SPACA6: variants seen among roughly 807,000 people sequenced by gnomAD.
The protein encoded by SPACA6 is sperm acrosome membrane-associated protein 6.
For missense variants in SPACA6, 8 were observed against 2.8 expected, an observed-to-expected ratio of 2.88 and a Z score of -1.34; for synonymous variants, 6 against 1.5, an observed-to-expected ratio of 4.05 and a Z score of -2.21.
chr19:51,683,311 T>C, the SPACA6 span, among the ~76,000 whole-genome samples: 1 of 152,208 alleles, frequency 6.6e-6, no homozygotes, highest in East Asian at 1.9e-4. Flanking sequence ...AGTCATTGGA[T>C]TTAGGGCCCA....
chr19:51,700,497 G>T (rs1047297320), intron 2 of SPACA6, among the ~76,000 whole-genome samples: 1 of 152,130 alleles, frequency 6.6e-6, no homozygotes, highest in Non-Finnish European at 1.5e-5. Context: ...AATTTTATAT[G>T]TTGGCAACTG....
intron 2 of SPACA6, among the ~76,000 whole-genome samples, chr19:51,697,851 T>G (rs1048883397): frequency 3.3e-5 from 5 of 152,036 alleles, no homozygotes; most frequent in South Asian, 4.1e-4. Flanking sequence ...ACCACCAGGG[T>G]CAAATGTAGC....
chr19:51,710,338 CAAA>C (rs556582389), downstream of SPACA6, among the ~76,000 whole-genome samples: 174 of 152,238 alleles, frequency 1.1e-3, no homozygotes, highest in African/African-American at 4.1e-3. Context: ...ACTGATGAAT[CAAA>C]GAATGCATGA....
intron 2 of SPACA6, among the ~76,000 whole-genome samples, chr19:51,699,291 G>A (rs369030111): frequency 6.6e-5 from 10 of 152,050 alleles, no homozygotes; most frequent in Non-Finnish European, 1.3e-4. Context: ...TTCCAGGTGC[G>A]GTACCACCTC....
chr19:51,694,628 C>T, intron 2 of SPACA6, 73 bp downstream of exon 2: 1 of 399,250 alleles, frequency 2.5e-6, no homozygotes. Flanking sequence ...TGGGAGGGCC[C>T]AGGGCAGAGG....
chr19:51,693,372 T>A lies in SPACA6; in HGVS notation c.-155T>A, dbSNP rs1373724310. 2 of 713,604 alleles carry A rather than the reference T, an allele frequency of 2.8e-6. No homozygotes were observed. The highest frequency in any genetic ancestry group is 1.7e-5 in the African/African-American group (1 of 58,110). 44.2% of individuals were successfully genotyped at this position (713,604 alleles called of 1,614,324 possible). On this transcript the variant is annotated 5_prime_UTR_variant, in exon 1 of 9. Coordinates refer to ENST00000637797, the MANE Select transcript of SPACA6 (RefSeq NM_001316972.2). The stretch of plus-strand genomic sequence containing the variant: ...ACACCTGGGGAATTGCTGGCCTGAC[T>A]TCTGACCCCTGACTCCTCATACCCT...
intron 2 of SPACA6, among the ~76,000 whole-genome samples, chr19:51,697,199 A>G (rs762773233): frequency 3.9e-5 from 6 of 152,120 alleles, no homozygotes; most frequent in African/African-American, 1.4e-4. Context: ...TGCTCTTGAA[A>G]TGGGGGAGCT....
At chr19:51,696,944 A>T (rs1315644325) in intron 2 of SPACA6, among the ~76,000 whole-genome samples, 1 of 152,186 alleles carries the variant, frequency 6.6e-6, no homozygotes, top group Non-Finnish European at 1.5e-5. Flanking sequence ...TCAGAGAGAT[A>T]GCAAGGGGCC....
upstream of SPACA6, among the ~76,000 whole-genome samples, chr19:51,689,961 A>T (rs919516097): frequency 1.1e-5 from 1 of 92,940 alleles, no homozygotes; most frequent in African/African-American, 4.2e-5. Context: ...GGGGAGGGGG[A>T]GGCGCAGGGA....
chr19:51,685,273 A>AT (rs2083323563), upstream of SPACA6: 1 of 152,132 alleles, frequency 6.6e-6, no homozygotes, highest in Non-Finnish European at 1.5e-5. Context: ...AAGAAGTATG[A>AT]GAATTACAAT....
At chr19:51,692,877 C>T (rs777412163), upstream of SPACA6, 2 of 533,952 alleles carry the variant, frequency 3.7e-6, no homozygotes, top group Non-Finnish European at 7.7e-6. This position sits in a 1 kb window ranked among gnomAD's most constrained non-coding sequence, Gnocchi z 5.6. Context: ...GCGCCCTGCA[C>T]GGGACGGGGC....
At chr19:51,701,764 C>T (rs560385630) in intron 3 of SPACA6, 38 bp downstream of exon 3, 45 of 397,804 alleles carry the variant, frequency 1.1e-4, no homozygotes, top group African/African-American at 8.4e-4. Context: ...CAGACACACA[C>T]ACACACAATT....
chr19:51,712,146 G>A (rs1270746952), exon 3 of SPACA6: 1 of 152,164 alleles, frequency 6.6e-6, no homozygotes, highest in Non-Finnish European at 1.5e-5. Flanking sequence ...TGAGTAGCTG[G>A]GATTACAGGC....
At chr19:51,690,941 C>T (rs1249440825), upstream of SPACA6, among the ~76,000 whole-genome samples, 1 of 152,154 alleles carries the variant, frequency 6.6e-6, no homozygotes, top group South Asian at 2.1e-4. Flanking sequence ...TCCTCCCTTC[C>T]CCTTCCTCCC....
upstream of SPACA6, chr19:51,687,040 T>A (rs1442163441): frequency 6.6e-6 from 1 of 152,116 alleles, no homozygotes; most frequent in African/African-American, 2.4e-5. Flanking sequence ...GGTGGGAGGA[T>A]CACTTGAGGT....
chr19:51,704,207 G>C (rs532826297), intron 7 of SPACA6, 21 bp downstream of exon 7: 2 of 401,012 alleles, frequency 5.0e-6, no homozygotes, highest in Non-Finnish European at 8.8e-6. Flanking sequence ...GCGCGGCCGC[G>C]TGAGTGAGCG....
intron 2 of SPACA6, among the ~76,000 whole-genome samples, chr19:51,710,986 A>G (rs896046575): frequency 6.6e-6 from 1 of 152,218 alleles, no homozygotes; most frequent in Non-Finnish European, 1.5e-5. Context: ...AGGCTGAGGC[A>G]GGAGAATTGC....
chr19:51,701,781 C>T (rs1438233250), intron 3 of SPACA6, 55 bp downstream of exon 3: 1 of 395,846 alleles, frequency 2.5e-6, no homozygotes, highest in Non-Finnish European at 4.5e-6. Flanking sequence ...AATTAGAAAA[C>T]CCCACTTTTG....
Position 51,700,429 on chromosome 19 carries a change from G to A in SPACA6, c.293-1229G>A, listed in dbSNP as rs540305120. Among the ~76,000 whole-genome samples the A allele has an allele frequency of 4.9e-4, 74 of 152,300 alleles. 1 individual carries two copies. The highest frequency in any genetic ancestry group is 1.6e-3 in the African/African-American group (65 of 41,570). On this transcript the variant is annotated intron_variant, in intron 2 of 8. Transcript: ENST00000637797. ...TGCCTTATGGAAATGCGATCTCTGT[G>A]TTACAGCTCTTCCAACTTTGTAAAA...
Sources: allele counts gnomAD v4.1 joint callset (sites outside exome capture counted in the v4.1 genomes callset), GRCh38; gene constraint gnomAD v4.1.1; non-coding constraint Gnocchi (gnomAD v3.1); transcripts MANE v1.5; gene names NCBI Gene and HGNC (gene_info 2026-07-23, HGNC 2026-07-21).